Variants in CNIH3 observed in about 807,000 individuals in gnomAD.
CNIH3 encodes the protein protein cornichon homolog 3.
In CNIH3, 14 loss-of-function variants were observed where a neutral mutation model predicts 24.1. That is an observed-to-expected ratio of 0.58 (90% CI 0.38 to 0.91). The LOEUF is 0.91. Ranked by LOEUF, CNIH3 falls within the 40% of genes least tolerant of loss-of-function variation. The pLI is 0.00. For synonymous variants in CNIH3, 68 were observed against 73.8 expected, an observed-to-expected ratio of 0.92 and a Z score of 0.40; for missense variants, 178 against 196.8, an observed-to-expected ratio of 0.90 and a Z score of 0.57.
At chr1:224,663,007 C>T (rs556171981) in intron 1 of CNIH3, among the ~76,000 whole-genome samples, 2 of 152,170 alleles carry the variant, frequency 1.3e-5, no homozygotes, top group South Asian at 4.2e-4. Context: ...GAGGTTGGCA[C>T]AAAAATAATT....
chr1:224,481,376 C>T (rs915620771), intron 1 of CNIH3, among the ~76,000 whole-genome samples: 18 of 151,746 alleles, frequency 1.2e-4, no homozygotes, highest in Non-Finnish European at 1.5e-4. Flanking sequence ...CTTGTTTGTA[C>T]CCATCCTTCT....
At chr1:224,481,051 T>C (rs111309230) in intron 1 of CNIH3, among the ~76,000 whole-genome samples, 174 of 152,336 alleles carry the variant, frequency 1.1e-3, no homozygotes, top group African/African-American at 4.1e-3. Flanking sequence ...TCCACGTGCC[T>C]GGGGAGGGGT....
intron 1 of CNIH3, among the ~76,000 whole-genome samples, chr1:224,502,736 AC>A (rs1677730457): frequency 6.6e-6 from 1 of 152,310 alleles, no homozygotes; most frequent in African/African-American, 2.4e-5. Context: ...CATAGTTTTC[AC>A]CGCTGGGTGT....
chr1:224,592,064 C>CT (rs940813124), downstream of CNIH3, among the ~76,000 whole-genome samples: 4 of 151,124 alleles, frequency 2.6e-5, no homozygotes, highest in South Asian at 2.1e-4. Flanking sequence ...ACAGGCAGGA[C>CT]TTTTTTTTTG....
At chr1:224,560,091 G>A (rs1680302592) in intron 3 of CNIH3, among the ~76,000 whole-genome samples, 1 of 152,014 alleles carries the variant, frequency 6.6e-6, no homozygotes. Flanking sequence ...TTTCACTATG[G>A]TATGCCATAG....
intron 3 of CNIH3, among the ~76,000 whole-genome samples, chr1:224,711,357 G>A (rs1421590780): frequency 1.6e-4 from 21 of 130,104 alleles, no homozygotes; most frequent in Admixed American, 1.3e-3. Flanking sequence ...TTTTTGTTCT[G>A]TCGCCCAAGC....
At chr1:224,697,557 G>T (rs778266870) in intron 3 of CNIH3, among the ~76,000 whole-genome samples, 2 of 152,168 alleles carry the variant, frequency 1.3e-5, no homozygotes, top group Non-Finnish European at 1.5e-5. Context: ...ATTCCAGGGA[G>T]ATGGTCAGCC....
chr1:224,467,724 G>A (rs1676204914), intron 1 of CNIH3, among the ~76,000 whole-genome samples: 2 of 151,852 alleles, frequency 1.3e-5, no homozygotes, highest in South Asian at 2.1e-4. Flanking sequence ...GCGCCTGGCT[G>A]GGATCATAGT....
intron 3 of CNIH3, among the ~76,000 whole-genome samples, chr1:224,724,006 A>C (rs1688884322): frequency 6.6e-6 from 1 of 152,236 alleles, no homozygotes; most frequent in African/African-American, 2.4e-5. Flanking sequence ...ACTTAAGCCC[A>C]GGAGTTGAAG....
At chr1:224,637,668 G>A (rs995735844) in intron 1 of CNIH3, among the ~76,000 whole-genome samples, 22 of 152,314 alleles carry the variant, frequency 1.4e-4, no homozygotes, top group African/African-American at 5.1e-4. Flanking sequence ...TCATGAACAA[G>A]GTAATGGCTG....
At chr1:224,675,694 T>C (rs959588656) in intron 1 of CNIH3, among the ~76,000 whole-genome samples, 2 of 152,202 alleles carry the variant, frequency 1.3e-5, no homozygotes, top group Admixed American at 6.5e-5. Flanking sequence ...AAAAAAGATG[T>C]ACAGATGACA....
chr1:224,597,435 G>A (rs747675376), intron 3 of CNIH3, among the ~76,000 whole-genome samples: 2 of 152,150 alleles, frequency 1.3e-5, no homozygotes, highest in African/African-American at 2.4e-5. Context: ...GACAGGCCTC[G>A]CTAGGTTTCC....
chr1:224,443,086 G>A (rs1674990002), intron 1 of CNIH3, among the ~76,000 whole-genome samples: 1 of 152,200 alleles, frequency 6.6e-6, no homozygotes, highest in Non-Finnish European at 1.5e-5. Context: ...ATTTCTCCAA[G>A]AAATCCTTGT....
intron 1 of CNIH3, among the ~76,000 whole-genome samples, chr1:224,642,094 T>G (rs1232940183): frequency 6.6e-6 from 1 of 152,360 alleles, no homozygotes; most frequent in South Asian, 2.1e-4. Flanking sequence ...GTATTTTACT[T>G]ATTTGCTATT....
At chr1:224,632,394 T>C (rs964115776) in intron 1 of CNIH3, among the ~76,000 whole-genome samples, 17 of 152,052 alleles carry the variant, frequency 1.1e-4, no homozygotes, top group African/African-American at 4.1e-4. Flanking sequence ...CTGTGGTCAT[T>C]GGGAATTGGT....
intron 1 of CNIH3, among the ~76,000 whole-genome samples, chr1:224,474,881 AAAAAT>A (rs138810981): frequency 0.82 from 123,664 of 149,902 alleles, 51,416 homozygotes; most frequent in East Asian, 0.95. Flanking sequence ...ACAAAAAAAT[AAAAAT>A]AAAAAAAAGC....
At position 224,495,955 on chromosome 1, in the gene CNIH3, G is replaced by A. The variant is rs116924098; in HGVS notation, n.204-19786G>A. 1.8e-4 allele frequency among the ~76,000 whole-genome samples: 27 copies of A among 152,322 alleles called. No individual in the cohort carries two copies. In the East Asian group the frequency reaches 4.8e-3, roughly 27 times the overall value. On this transcript the variant is annotated intron_variant and non_coding_transcript_variant, in intron 1 of 5. Transcript: ENST00000471578. ...ACAACAATGAAAAAGGCATCTGTGA[G>A]CTATCCGTGGGCAGAGAGAGCGCAA...
chr1:224,636,868 G>A (rs960764956), intron 1 of CNIH3, among the ~76,000 whole-genome samples: 1 of 151,886 alleles, frequency 6.6e-6, no homozygotes, highest in African/African-American at 2.4e-5. Context: ...GTTGCTTTAA[G>A]ATTTTTATTT....
intron 1 of CNIH3, among the ~76,000 whole-genome samples, chr1:224,634,585 T>TA (rs66630557): frequency 1.4e-4 from 9 of 65,192 alleles, no homozygotes; most frequent in Middle Eastern, 6.4e-3. Flanking sequence ...AAAAAAAAAA[T>TA]AAAAAAAAAA....
Sources: gnomAD v4.1 joint callset for allele counts (sites outside exome capture counted in the v4.1 genomes callset) on GRCh38, gnomAD v4.1.1 for gene constraint, MANE v1.5 for transcripts, NCBI Gene and HGNC (gene_info 2026-07-23, HGNC 2026-07-21) for gene names.